ABCG1: variants seen among roughly 807,000 people sequenced by gnomAD.
ABCG1 encodes the protein ATP-binding cassette sub-family G member 1.
In ABCG1, 29 loss-of-function variants were observed where a neutral mutation model predicts 69.2. The ratio of observed to expected loss-of-function variants is 0.42; its 90% CI spans 0.31 to 0.57. The LOEUF (loss-of-function observed/expected upper bound fraction) is 0.57, where lower values mean the gene tolerates loss of function less well. Among genes scored for constraint, ABCG1 ranks in the 20% least tolerant of loss-of-function variants. The probability of loss-of-function intolerance (pLI) is 0.15; values close to 1 mark genes in which losing one functional copy is unlikely to be tolerated. For missense variants in ABCG1, 718 were observed against 898.1 expected, an observed-to-expected ratio of 0.80 and a Z score of 2.56; for synonymous variants, 370 against 374.8, an observed-to-expected ratio of 0.99 and a Z score of 0.15.
chr21:42,219,166 C>T lies in ABCG1; in HGVS notation c.-97C>T. On this transcript the variant is annotated 5_prime_UTR_variant, in exon 1 of 15. Transcript: ENST00000398449. The surrounding 1 kb of genome is among the most constrained non-coding windows in gnomAD (Gnocchi z 5.3). ...GAGCCCAAGCGCAGCCCGCACCCCG[C>T]GCAGCGGCTGAGCCGGGAGCCAGCG... The T allele has an allele frequency of 8.9e-7, 1 of 1,119,232 alleles. No homozygotes were observed. The highest frequency in any genetic ancestry group is 1.1e-6 in the Non-Finnish European group (1 of 896,470). The allele number at this position is 1,119,232 out of a possible 1,614,324, so 69.3% of individuals were successfully genotyped here.
In ABCG1 at chr21:42,224,467, G is replaced by A. The variant is rs577714952; in HGVS notation, c.43-1204G>A. On this transcript the variant is annotated intron_variant, in intron 1 of 14. Coordinates refer to ENST00000398449, the MANE Select transcript of ABCG1 (RefSeq NM_016818.3). Reference sequence around the variant, plus strand: ...CACATACACCCTCCCAGCTCTGCTCGGGAATGCGGGGAACCCACTTACGCT... The same window carrying A: ...CACATACACCCTCCCAGCTCTGCTCAGGAATGCGGGGAACCCACTTACGCT... Among the ~76,000 whole-genome samples, 10 of 152,302 alleles carry A rather than the reference G, an allele frequency of 6.6e-5. No individual in the cohort carries two copies. The East Asian group carries it at 7.7e-4, about 12-fold the overall frequency.
In ABCG1 at chr21:42,264,931, C is replaced by T. The variant is rs75126001; in HGVS notation, c.287-6139C>T. On this transcript the variant is annotated intron_variant, in intron 2 of 14. Coordinates refer to ENST00000398449, the MANE Select transcript of ABCG1 (RefSeq NM_016818.3). Reference sequence around the variant, plus strand: ...GACTCCATCTCTGGCCTTGAGGCCACTAGCTCTCATGGTTTCTGCCCGTGG... The same window carrying T: ...GACTCCATCTCTGGCCTTGAGGCCATTAGCTCTCATGGTTTCTGCCCGTGG... Among the ~76,000 whole-genome samples, 996 of 152,322 alleles carry T rather than the reference C, an allele frequency of 6.5e-3. 15 individuals are homozygous for T. The highest frequency in any genetic ancestry group is 0.023 in the African/African-American group (937 of 41,576).
At chr21:42,253,641 G>A (rs979393131) in intron 2 of ABCG1, among the ~76,000 whole-genome samples, 39 of 152,232 alleles carry the variant, frequency 2.6e-4, no homozygotes, top group African/African-American at 8.9e-4. Flanking sequence ...GAAACCGCAC[G>A]TGAGGGACTC....
At chr21:42,281,679 C>T (rs1454335168) in intron 5 of ABCG1, among the ~76,000 whole-genome samples, 2 of 152,144 alleles carry the variant, frequency 1.3e-5, no homozygotes, top group African/African-American at 4.8e-5. Flanking sequence ...GACTCTGTCC[C>T]CCTCCCCGAG....
At chr21:42,231,711 G>A (rs1260645898) in intron 2 of ABCG1, among the ~76,000 whole-genome samples, 1 of 152,268 alleles carries the variant, frequency 6.6e-6, no homozygotes, top group African/African-American at 2.4e-5. Context: ...TAAAGGCAGA[G>A]TGTGGAGATC....
chr21:42,247,218 T>C (rs1382974549), intron 2 of ABCG1, among the ~76,000 whole-genome samples: 1 of 152,232 alleles, frequency 6.6e-6, no homozygotes, highest in Non-Finnish European at 1.5e-5. Context: ...TTATTATCTG[T>C]TATAAGCAAA....
chr21:42,216,274 C>T (rs1316289961), upstream of ABCG1: 11 of 343,956 alleles, frequency 3.2e-5, no homozygotes, highest in South Asian at 2.3e-4. Context: ...CTAATACAGA[C>T]AGGAAGTGGC....
chr21:42,268,686 A>G (rs894699840), intron 2 of ABCG1, among the ~76,000 whole-genome samples: 2 of 152,188 alleles, frequency 1.3e-5, no homozygotes, highest in Non-Finnish European at 2.9e-5. Context: ...GCTGGACCCC[A>G]TGAGGGCCAG....
rs1000759364 is a variant in ABCG1, at chr21:42,287,319, G to A, written c.974-570G>A. On this transcript the variant is annotated intron_variant, in intron 8 of 14. Transcript: ENST00000398449. This position sits in a 1 kb window ranked among gnomAD's most constrained non-coding sequence, Gnocchi z 6.2. Reference sequence around the variant, plus strand: ...AGTGGGGAGGTGACGATTGGGATGCGAGAGGCAGGAGCAGCGGGCAGGGCC... The same window carrying A: ...AGTGGGGAGGTGACGATTGGGATGCAAGAGGCAGGAGCAGCGGGCAGGGCC... Among the ~76,000 whole-genome samples, 8 of 152,144 alleles carry A rather than the reference G, an allele frequency of 5.3e-5. No individual in the cohort carries two copies. Among genetic ancestry groups the A allele is most frequent in the African/African-American group, 1.4e-4 (6 of 41,422 alleles).
At chr21:42,259,966 C>A in intron 2 of ABCG1, 1 of 1,497,792 alleles carries the variant, frequency 6.7e-7, no homozygotes, top group African/African-American at 1.4e-5. Context: ...CTTGCTCTTC[C>A]CCTTCCCTCC....
Position 42,219,689 on chromosome 21 carries a change from G to A in ABCG1, c.42+385G>A, listed in dbSNP as rs939049812. 5.1e-6 allele frequency: 4 copies of A among 783,414 alleles called. No individual in the cohort carries two copies. The highest frequency in any genetic ancestry group is 7.7e-6 in the Non-Finnish European group (4 of 520,884). 48.5% of individuals were successfully genotyped at this position (783,414 alleles called of 1,614,324 possible). ...GGGCCGCAGCTTGGGCCGGAGGGAA[G>A]AGGGGACTTGAAGAAGGGGAGCCCC... On this transcript the variant is annotated intron_variant, in intron 1 of 14. Coordinates refer to ENST00000398449, the MANE Select transcript of ABCG1 (RefSeq NM_016818.3). The surrounding 1 kb of genome is among the most constrained non-coding windows in gnomAD (Gnocchi z 5.3).
At chr21:42,218,889 G>A (rs2067673017), upstream of ABCG1, among the ~76,000 whole-genome samples, 1 of 152,220 alleles carries the variant, frequency 6.6e-6, no homozygotes, top group African/African-American at 2.4e-5. Flanking sequence ...CCTCACCCGT[G>A]CTGGCCCAGC....
rs4006345 is a variant in ABCG1 at position 42,270,259 on chromosome 21, C to CAA, written c.287-790_287-789dup. Reference sequence around the variant, plus strand: ...TGGGCGACAGAGCAAGACTCAGTCTCAAAAAAAAAAAAAAAAAAAAAAGTG... The same window carrying CAA: ...TGGGCGACAGAGCAAGACTCAGTCTCAAAAAAAAAAAAAAAAAAAAAAAAGTG... On this transcript the variant is annotated intron_variant, in intron 2 of 14. Coordinates refer to ENST00000398449, the MANE Select transcript of ABCG1 (RefSeq NM_016818.3). 4.4e-3 allele frequency among the ~76,000 whole-genome samples: 382 copies of CAA among 87,102 alleles called. 17 individuals carry two copies. The highest frequency in any genetic ancestry group is 0.011 in the African/African-American group (229 of 20,988). 57.1% of individuals were successfully genotyped at this position (87,102 alleles called of 152,430 possible). A position where few individuals can be genotyped will look rare whatever the true frequency, so the allele number is the denominator to read the frequency against.
intron 2 of ABCG1, among the ~76,000 whole-genome samples, chr21:42,262,772 A>C (rs2068435174): frequency 6.6e-6 from 1 of 152,220 alleles, no homozygotes; most frequent in Non-Finnish European, 1.5e-5. Context: ...GACCTTGAGC[A>C]GGTCATTAAC....
chr21:42,201,991 C>A (rs2067510304), intron 2 of ABCG1, among the ~76,000 whole-genome samples: 1 of 152,214 alleles, frequency 6.6e-6, no homozygotes, highest in Admixed American at 6.5e-5. Context: ...CCCCAAACCA[C>A]CTTACCCTAA....
At chr21:42,267,997 T>C (rs1416693939) in intron 2 of ABCG1, among the ~76,000 whole-genome samples, 2 of 151,984 alleles carry the variant, frequency 1.3e-5, no homozygotes, top group African/African-American at 4.8e-5. Context: ...CTGGCCTGGG[T>C]TGTGTCTAAG....
At chr21:42,201,870 G>A in intron 2 of ABCG1, 1 of 1,526,548 alleles carries the variant, frequency 6.6e-7, no homozygotes, top group Non-Finnish European at 8.8e-7. Flanking sequence ...GTTTGGTGAG[G>A]GGCCAGCCCG....
upstream of ABCG1, among the ~76,000 whole-genome samples, chr21:42,217,982 G>T (rs1404093018): frequency 1.3e-5 from 2 of 152,096 alleles, no homozygotes; most frequent in Non-Finnish European, 2.9e-5. Context: ...TGACTCTTGA[G>T]ACAACACCAT....
chr21:42,280,953 C>T (rs1051831883), intron 5 of ABCG1, among the ~76,000 whole-genome samples: 2 of 152,238 alleles, frequency 1.3e-5, no homozygotes, highest in Non-Finnish European at 2.9e-5. Flanking sequence ...TCTGGGTTGG[C>T]GGCCCTCAGA....
Sources: gnomAD v4.1 joint callset for allele counts (sites outside exome capture counted in the v4.1 genomes callset) on GRCh38, gnomAD v4.1.1 for gene constraint, Gnocchi (gnomAD v3.1) non-coding constraint, MANE v1.5 for transcripts, NCBI Gene and HGNC (gene_info 2026-07-23, HGNC 2026-07-21) for gene names.